Variants in AGMO observed in about 807,000 individuals in gnomAD.
The protein encoded by AGMO is glyceryl-ether monooxygenase.
Under a neutral mutation model 60.2 loss-of-function variants are expected in AGMO, and 75 were observed. The observed-to-expected ratio is 1.25, with a 90% CI of 1.03 to 1.51. AGMO has a LOEUF of 1.51. Among genes scored for constraint, AGMO ranks in the 40% most tolerant of loss-of-function variants. AGMO has a pLI of 0.00. For synonymous variants in AGMO, 261 were observed against 177.1 expected (o/e 1.47, Z -3.76); for missense variants, 763 against 525.5 (o/e 1.45, Z -4.42).
intron 3 of AGMO, among the ~76,000 whole-genome samples, chr7:15,539,666 A>C (rs1047169025): frequency 6.6e-6 from 1 of 152,160 alleles, no homozygotes; most frequent in Non-Finnish European, 1.5e-5. Flanking sequence ...CAATAACTGG[A>C]TTGCTGTGTT....
chr7:15,543,882 A>G (rs559997182), intron 3 of AGMO, among the ~76,000 whole-genome samples: 2 of 151,710 alleles, frequency 1.3e-5, no homozygotes, highest in South Asian at 4.2e-4. Context: ...GAATCTCCAC[A>G]CTGTTTTCCA....
At chr7:15,382,391 G>C (rs999540645) in intron 10 of AGMO, among the ~76,000 whole-genome samples, 1 of 152,090 alleles carries the variant, frequency 6.6e-6, no homozygotes, top group African/African-American at 2.4e-5. Context: ...CTGAGGGCAA[G>C]AATTATACTT....
At chr7:15,317,426 T>A (rs1469519958) in intron 12 of AGMO, among the ~76,000 whole-genome samples, 1 of 152,118 alleles carries the variant, frequency 6.6e-6, no homozygotes, top group East Asian at 1.9e-4. Flanking sequence ...GAATAAATCA[T>A]GATAGAGTAA....
At chr7:15,379,348 A>G (rs1783583865) in intron 10 of AGMO, among the ~76,000 whole-genome samples, 1 of 152,082 alleles carries the variant, frequency 6.6e-6, no homozygotes, top group Non-Finnish European at 1.5e-5. Context: ...GGAAAACATT[A>G]ATCAAGTAGA....
the AGMO span, among the ~76,000 whole-genome samples, chr7:15,159,814 A>G: frequency 1.3e-5 from 2 of 152,194 alleles, no homozygotes; most frequent in Non-Finnish European, 2.9e-5. Context: ...TCAAGGTCCA[A>G]TCGGTCCATT....
the AGMO span, among the ~76,000 whole-genome samples, chr7:15,118,286 T>C: frequency 6.6e-6 from 1 of 151,778 alleles, no homozygotes. Context: ...TAGTCTGAAC[T>C]CATTATTGGC....
intron 5 of AGMO, among the ~76,000 whole-genome samples, chr7:15,412,684 T>TAAAAAAAAA (rs765917941): frequency 1.8e-5 from 2 of 111,372 alleles, no homozygotes; most frequent in African/African-American, 3.5e-5. Context: ...TTTCATTATT[T>TAAAAAAAAA]AAAAAAAAAA....
chr7:15,147,552 T>C, the AGMO span, among the ~76,000 whole-genome samples: 2 of 152,150 alleles, frequency 1.3e-5, no homozygotes, highest in Non-Finnish European at 2.9e-5. Flanking sequence ...TTATGGGAGC[T>C]ACAATTCAAG....
chr7:15,134,542 G>C, the AGMO span, among the ~76,000 whole-genome samples: 2 of 152,140 alleles, frequency 1.3e-5, no homozygotes, highest in Non-Finnish European at 1.5e-5. Context: ...TTAAAAGGCA[G>C]AACATGTGGA....
In AGMO at chr7:15,387,427, A is replaced by C. The variant is rs1316134787; in HGVS notation, c.936T>G (p.Gly312=). ...PGWGPGKPRL[G]LSEEIPEVTG... ...TTACCTCTGGAATTTCTTCACTGAG[A>C]CCAAGTCTTGGTTTACCTGGACCCC... The change falls in exon 9 of 13, where the codon GGT becomes GGG. Residue 312 remains glycine (G), a synonymous_variant. Transcript: ENST00000342526. The C allele has an allele frequency of 2.5e-6, 4 of 1,613,472 alleles. No individual in the cohort carries two copies. The highest frequency in any genetic ancestry group is 3.4e-6 in the Non-Finnish European group (4 of 1,179,884).
intron 5 of AGMO, among the ~76,000 whole-genome samples, chr7:15,395,168 TATG>T (rs964659945): frequency 5.9e-5 from 9 of 152,316 alleles, no homozygotes; most frequent in Non-Finnish European, 1.0e-4. Context: ...AATACACTGT[TATG>T]ATATTTTAAG....
At chr7:15,559,340 T>C (rs1273117662) in intron 2 of AGMO, among the ~76,000 whole-genome samples, 1 of 152,122 alleles carries the variant, frequency 6.6e-6, no homozygotes, top group Non-Finnish European at 1.5e-5. Context: ...GTGATAATTC[T>C]AGATCTGGGA....
At chr7:15,219,632 G>A (rs576042383) in intron 12 of AGMO, among the ~76,000 whole-genome samples, 6 of 152,170 alleles carry the variant, frequency 3.9e-5, no homozygotes, top group South Asian at 4.1e-4. Flanking sequence ...TATGTGATTC[G>A]ATTTACTCTT....
chr7:15,180,536 C>T, the AGMO span, among the ~76,000 whole-genome samples: 2 of 151,996 alleles, frequency 1.3e-5, no homozygotes, highest in Admixed American at 1.3e-4. Context: ...ATTTCTACCA[C>T]CATTTTGGCC....
intron 12 of AGMO, among the ~76,000 whole-genome samples, chr7:15,275,330 C>T (rs756938501): frequency 1.8e-4 from 28 of 152,132 alleles, no homozygotes; most frequent in Non-Finnish European, 3.5e-4. Flanking sequence ...AGTTATTTTA[C>T]ATGAATTTGT....
Position 15,559,771 on chromosome 7 carries a change from T to G in AGMO, c.257+370A>C, listed in dbSNP as rs550829284. Among the ~76,000 whole-genome samples, 3 of 152,104 alleles carry G rather than the reference T, an allele frequency of 2.0e-5. No individual in the cohort carries two copies. The East Asian group carries it at 5.8e-4, about 30-fold the overall frequency. Reference sequence around the variant, plus strand: ...CAAACTATTGTAGTTATTCAGAGATTTGTGTGACCTGCTCTAGGGAATGGC... The same window carrying G: ...CAAACTATTGTAGTTATTCAGAGATGTGTGTGACCTGCTCTAGGGAATGGC... On this transcript the variant is annotated intron_variant, in intron 2 of 12. Coordinates refer to ENST00000342526, the MANE Select transcript of AGMO (RefSeq NM_001004320.2).
At chr7:15,430,919 T>G in intron 4 of AGMO, 86 bp downstream of exon 4, 1 of 317,294 alleles carries the variant, frequency 3.2e-6, no homozygotes, top group Non-Finnish European at 4.4e-6. Flanking sequence ...CTTCTATTAG[T>G]TTTTTTTTTT....
At chr7:15,233,928 T>A (rs1289813330) in intron 12 of AGMO, among the ~76,000 whole-genome samples, 2 of 152,082 alleles carry the variant, frequency 1.3e-5, no homozygotes, top group African/African-American at 4.8e-5. Context: ...GCCCCTGTAA[T>A]CCCAGCTACT....
chr7:15,348,061 T>C (rs544697249), intron 12 of AGMO, among the ~76,000 whole-genome samples: 1 of 152,222 alleles, frequency 6.6e-6, no homozygotes, highest in East Asian at 1.9e-4. Context: ...TCTTCCAGGG[T>C]AACTTGGATG....
Sources: allele counts gnomAD v4.1 joint callset (sites outside exome capture counted in the v4.1 genomes callset), GRCh38; gene constraint gnomAD v4.1.1; transcripts MANE v1.5; gene names NCBI Gene and HGNC (gene_info 2026-07-23, HGNC 2026-07-21).